The following SLC44A5 variants were observed in gnomAD, a reference collection of about 807,000 sequenced individuals.
SLC44A5 encodes solute carrier family 44 member 5.
Under a neutral mutation model 101.8 loss-of-function variants are expected in SLC44A5, and 57 were observed. The ratio of observed to expected loss-of-function variants is 0.56; its 90% CI spans 0.45 to 0.70. The LOEUF (loss-of-function observed/expected upper bound fraction) is 0.70, where lower values mean the gene tolerates loss of function less well. Ranked by LOEUF, SLC44A5 falls within the 30% of genes least tolerant of loss-of-function variation. The pLI is 0.00. For missense variants in SLC44A5, 737 were observed against 853.1 expected, an observed-to-expected ratio of 0.86 and a Z score of 1.70; for synonymous variants, 281 against 290.9, an observed-to-expected ratio of 0.97 and a Z score of 0.35.
intron 4 of SLC44A5, among the ~76,000 whole-genome samples, chr1:75,302,518 C>T (rs1036775161): frequency 1.3e-5 from 2 of 152,106 alleles, no homozygotes; most frequent in Admixed American, 6.5e-5. Flanking sequence ...TCCCCTTATT[C>T]GCAAGGGAGG....
At chr1:75,671,373 A>T in the SLC44A5 span, among the ~76,000 whole-genome samples, 2 of 152,192 alleles carry the variant, frequency 1.3e-5, no homozygotes, top group Non-Finnish European at 2.9e-5. Context: ...AGGCCCTCAG[A>T]TGTCAAAACA....
At chr1:75,374,535 T>C (rs371354340) in intron 3 of SLC44A5, among the ~76,000 whole-genome samples, 3 of 152,110 alleles carry the variant, frequency 2.0e-5, no homozygotes, top group African/African-American at 7.2e-5. Flanking sequence ...GTAGACAAAC[T>C]TGGTGAGGAA....
intron 1 of SLC44A5, among the ~76,000 whole-genome samples, chr1:75,564,229 T>A (rs377435855): frequency 1.3e-5 from 2 of 152,296 alleles, no homozygotes; most frequent in East Asian, 3.9e-4. Context: ...AAGAAGCAGT[T>A]TACAGGAAAA....
chr1:75,334,984 A>T (rs1657330342), intron 4 of SLC44A5, among the ~76,000 whole-genome samples: 1 of 152,152 alleles, frequency 6.6e-6, no homozygotes, highest in Non-Finnish European at 1.5e-5. Flanking sequence ...GAGCTCCACT[A>T]CATACAGCTG....
intron 5 of SLC44A5, among the ~76,000 whole-genome samples, chr1:75,284,469 A>T (rs1317071451): frequency 6.6e-6 from 1 of 152,032 alleles, no homozygotes; most frequent in Non-Finnish European, 1.5e-5. Flanking sequence ...TGACAGTTTG[A>T]CTTCCTCTTT....
the SLC44A5 span, among the ~76,000 whole-genome samples, chr1:75,638,979 G>T: frequency 2.6e-5 from 4 of 152,098 alleles, no homozygotes; most frequent in African/African-American, 9.6e-5. Flanking sequence ...AATCTCACAC[G>T]TATGTGGAAT....
intron 2 of SLC44A5, among the ~76,000 whole-genome samples, chr1:75,531,963 C>T (rs1163181362): frequency 2.0e-5 from 3 of 152,194 alleles, no homozygotes; most frequent in Non-Finnish European, 2.9e-5. Context: ...TGCTACATGA[C>T]TAGACCAATA....
the SLC44A5 span, among the ~76,000 whole-genome samples, chr1:75,696,745 A>AC: frequency 0.26 from 39,732 of 151,610 alleles, 6,441 homozygotes; most frequent in East Asian, 0.68. Context: ...AATTGAAAGA[A>AC]AAAAAAAATT....
At chr1:75,677,374 T>C in the SLC44A5 span, among the ~76,000 whole-genome samples, 1 of 152,234 alleles carries the variant, frequency 6.6e-6, no homozygotes, top group Non-Finnish European at 1.5e-5. Context: ...TGCTTGTTTA[T>C]TAATTTGTTT....
At chr1:75,210,103 G>C (rs550353721) in intron 23 of SLC44A5, among the ~76,000 whole-genome samples, 13 of 151,754 alleles carry the variant, frequency 8.6e-5, no homozygotes, top group Non-Finnish European at 1.8e-4. Context: ...CTGGAATACA[G>C]TGGCACTATC....
intron 2 of SLC44A5, among the ~76,000 whole-genome samples, chr1:75,439,817 G>C (rs921820349): frequency 1.3e-5 from 2 of 151,978 alleles, no homozygotes; most frequent in Non-Finnish European, 2.9e-5. Context: ...TAAAAGACAT[G>C]AATCCAAAGA....
intron 2 of SLC44A5, among the ~76,000 whole-genome samples, chr1:75,519,060 C>T (rs938147954): frequency 1.2e-4 from 18 of 152,060 alleles, no homozygotes; most frequent in Admixed American, 1.0e-3. Context: ...AAAAATAAAT[C>T]ATTACTAGCT....
At chr1:75,455,042 C>T (rs924260369) in intron 2 of SLC44A5, among the ~76,000 whole-genome samples, 7 of 151,908 alleles carry the variant, frequency 4.6e-5, no homozygotes, top group African/African-American at 9.7e-5. Context: ...ATATGGAACA[C>T]AAAAAGAGCC....
the SLC44A5 span, chr1:75,677,667 A>G: frequency 5.0e-6 from 2 of 402,446 alleles, no homozygotes; most frequent in African/African-American, 2.4e-5. Flanking sequence ...AAACTCTCCA[A>G]TAAAAAAACG....
chr1:75,361,375 T>C (rs76092537), intron 3 of SLC44A5, among the ~76,000 whole-genome samples: 9 of 152,260 alleles, frequency 5.9e-5, no homozygotes, highest in African/African-American at 1.9e-4. Context: ...GTGAGCATTC[T>C]TATTTTATCC....
the SLC44A5 span, among the ~76,000 whole-genome samples, chr1:75,663,729 T>C: frequency 1.3e-5 from 2 of 152,158 alleles, no homozygotes; most frequent in African/African-American, 4.8e-5. Context: ...GAAGAGCTGG[T>C]ACCAATTCTA....
the SLC44A5 span, among the ~76,000 whole-genome samples, chr1:75,695,910 G>A: frequency 6.6e-6 from 1 of 150,698 alleles, no homozygotes; most frequent in Non-Finnish European, 1.5e-5. Context: ...ATTAGAGAAT[G>A]GGGAACACTA....
At chr1:75,422,814 T>C (rs146828649) in intron 2 of SLC44A5, among the ~76,000 whole-genome samples, 269 of 152,266 alleles carry the variant, frequency 1.8e-3, no homozygotes, top group Middle Eastern at 0.017. Context: ...ATGGCCAAAC[T>C]GGAACTTGGG....
intron 3 of SLC44A5, among the ~76,000 whole-genome samples, chr1:75,373,684 C>G (rs114803472): frequency 0.022 from 3,277 of 152,234 alleles, 101 homozygotes; most frequent in African/African-American, 0.065. Flanking sequence ...GCCTTGTCCA[C>G]CAGTCCCTCC....
Sources: gnomAD v4.1 joint callset for allele counts (sites outside exome capture counted in the v4.1 genomes callset) on GRCh38, gnomAD v4.1.1 for gene constraint, MANE v1.5 for transcripts, NCBI Gene and HGNC (gene_info 2026-07-23, HGNC 2026-07-21) for gene names.